The following ASPSCR1 variants were observed in gnomAD, a reference collection of about 807,000 sequenced individuals.
ASPSCR1 encodes ASPSCR1 tether for SLC2A4, UBX domain containing.
ASPSCR1 carries 55 observed loss-of-function variants against 68.9 expected under a neutral mutation model. The observed-to-expected ratio is 0.80, with a 90% CI of 0.64 to 1.00. The LOEUF is 1.00. Ranked by LOEUF, ASPSCR1 falls within the 50% of genes least tolerant of loss-of-function variation. The pLI, the probability that ASPSCR1 is intolerant of heterozygous loss-of-function variation, is 0.00. For missense variants in ASPSCR1, 765 were observed against 762.2 expected (o/e 1.00, Z -0.04); for synonymous variants, 352 against 332.6 (o/e 1.06, Z -0.63).
Position 81,996,635 on chromosome 17 carries a change from C to T in ASPSCR1, c.722C>T (p.Pro241Leu), listed in dbSNP as rs760536415. 4 of 1,612,652 alleles carry T rather than the reference C, an allele frequency of 2.5e-6. No individual in the cohort carries two copies. The highest frequency in any genetic ancestry group is 3.4e-6 in the Non-Finnish European group (4 of 1,179,410). ...KQSTRAPAAA[P>L]FVPFSGGGQR... ...AGCACAAGGGCACCCGCAGCTGCCC[C>T]CTTTGTTCCTTTCTCGGGTGGGGGA... The change falls in exon 7 of 16, where the codon CCC becomes CTC. Residue 241 changes from proline to leucine, a missense_variant. Coordinates refer to ENST00000306739, the MANE Select transcript of ASPSCR1 (RefSeq NM_024083.4).
At chr17:81,979,592 A>G (rs749714196) in intron 2 of ASPSCR1, among the ~76,000 whole-genome samples, 4 of 152,210 alleles carry the variant, frequency 2.6e-5, no homozygotes, top group Non-Finnish European at 5.9e-5. Context: ...TTATCATTAC[A>G]TCTTCAAAGA....
At chr17:82,017,194 TG>T (rs2043169539) in intron 15 of ASPSCR1, 81 bp downstream of exon 15, 1 of 1,577,754 alleles carries the variant, frequency 6.3e-7, no homozygotes, top group Admixed American at 1.7e-5. Context: ...GTCAGTGGGC[TG>T]GGGGGCTAGG....
In ASPSCR1 at chr17:82,017,069, T is replaced by C. The variant is rs974560334; in HGVS notation, c.1604T>C (p.Val535Ala). The part of the protein sequence containing the change: ...PEPIPGTAQP[V>A]KRSLGKVPKW... ...CCCATCCCAGGGACGGCCCAGCCCG[T>C]GAAGAGGAGCCTGGGCAAGGTGCCC... The change falls in exon 15 of 16, where the codon GTG becomes GCG. Residue 535 changes from valine (V) to alanine (A), a missense_variant. Val to Ala is a moderately conservative substitution (Grantham distance 64). Transcript: ENST00000306739. 5.0e-6 allele frequency: 8 copies of C among 1,608,794 alleles called. No individual in the cohort carries two copies. Among genetic ancestry groups the C allele is most frequent in the Admixed American group, 1.7e-5 (1 of 59,886 alleles).
chr17:82,002,003 C>CTTTTTTTT (rs71166183), intron 7 of ASPSCR1, among the ~76,000 whole-genome samples: 1 of 93,808 alleles, frequency 1.1e-5, no homozygotes, highest in Non-Finnish European at 2.0e-5. Context: ...TTTCTTTTTC[C>CTTTTTTTT]TTTTTTTTTT....
chr17:81,990,408 C>G lies in ASPSCR1; in HGVS notation c.375-4413C>G, dbSNP rs956594516. Among the ~76,000 whole-genome samples, 11 of 152,218 alleles carry G rather than the reference C, an allele frequency of 7.2e-5. No homozygotes were observed. The highest frequency in any genetic ancestry group is 2.7e-4 in the African/African-American group (11 of 41,444). On this transcript the variant is annotated intron_variant, in intron 4 of 15. Transcript: ENST00000306739. This position sits in a 1 kb window ranked among gnomAD's most constrained non-coding sequence, Gnocchi z 4.1. ...CCATTTTCCCTATAGTCTGAAGGTTCTGCCCAGCACAGAGGGGTGTGAACA... is the reference window on the plus strand; with the variant it reads ...CCATTTTCCCTATAGTCTGAAGGTTGTGCCCAGCACAGAGGGGTGTGAACA...
At chr17:82,017,183 G>C (rs1250594413) in intron 15 of ASPSCR1, 70 bp downstream of exon 15, 5 of 1,575,430 alleles carry the variant, frequency 3.2e-6, no homozygotes, top group East Asian at 4.5e-5. Flanking sequence ...GCTGTGGCAG[G>C]GTCAGTGGGC....
intron 7 of ASPSCR1, among the ~76,000 whole-genome samples, chr17:82,002,965 C>T (rs769888805): frequency 3.0e-4 from 46 of 152,150 alleles, no homozygotes; most frequent in Non-Finnish European, 6.8e-4. Context: ...ACCTCCACCT[C>T]CTGGGTTCAA....
At chr17:82,009,319 C>T (rs2042831386) in intron 8 of ASPSCR1, 128 bp downstream of exon 8, 1 of 1,412,054 alleles carries the variant, frequency 7.1e-7, no homozygotes, top group African/African-American at 1.4e-5. Flanking sequence ...CTGCCCTTAA[C>T]AGGACCTCAG....
At chr17:82,002,624 A>T (rs1031537605) in intron 7 of ASPSCR1, among the ~76,000 whole-genome samples, 3 of 151,982 alleles carry the variant, frequency 2.0e-5, no homozygotes, top group African/African-American at 7.2e-5. Flanking sequence ...GTGCGGTGGC[A>T]TGATCTCAGC....
At position 82,011,544 on chromosome 17, in the gene ASPSCR1, G is replaced by C. The variant is rs553844173; in HGVS notation, c.1239G>C (p.Val413=). The part of the protein sequence containing the change: ...LQGFFRPSET[V]GDLRDFVRSH... ...GTATGTTCTTTTTCTCCTCTGCAGT[G>C]GGGGACTTGCGAGACTTCGTGAGGA... The change falls in exon 11 of 16, where the codon GTG becomes GTC. Residue 413 remains valine (V), a splice_region_variant and synonymous_variant. Transcript: ENST00000306739. 14 of 1,582,318 alleles carry C rather than the reference G, an allele frequency of 8.8e-6. No homozygotes were observed. The African/African-American group carries it at 1.2e-4, about 14-fold the overall frequency.
intron 1 of ASPSCR1, chr17:81,978,025 C>G: frequency 4.3e-6 from 1 of 231,540 alleles, no homozygotes. Flanking sequence ...GTACTCGGCG[C>G]CCGGCCGAGC....
rs112936918 is a variant in ASPSCR1, at chr17:81,994,954, G to A, written c.432+76G>A. ...TTCCAACTGGAAAATCTGCTGTCCCGCAGCCGTCTCCAGGGCAGTGGCGGG... is the reference window on the plus strand; with the variant it reads ...TTCCAACTGGAAAATCTGCTGTCCCACAGCCGTCTCCAGGGCAGTGGCGGG... On this transcript the variant is annotated intron_variant, in intron 5 of 15. Coordinates refer to ENST00000306739, the MANE Select transcript of ASPSCR1 (RefSeq NM_024083.4). 1,041 of 1,455,166 alleles carry A rather than the reference G, an allele frequency of 7.2e-4. 8 individuals are homozygous for A. The African/African-American group carries it at 0.012, about 16-fold the overall frequency. The allele number at this position is 1,455,166 out of a possible 1,614,324, so 90.1% of individuals were successfully genotyped here.
In ASPSCR1 at chr17:81,977,687, T is replaced by A; in HGVS notation, c.41T>A (p.Val14Glu). 1 of 1,383,120 alleles carries A rather than the reference T, an allele frequency of 7.2e-7. No individual in the cohort carries two copies. Among genetic ancestry groups the A allele is most frequent in the Non-Finnish European group, 9.4e-7 (1 of 1,062,376 alleles). The allele number at this position is 1,383,120 out of a possible 1,614,324, so 85.7% of individuals were successfully genotyped here. A position where few individuals can be genotyped will look rare whatever the true frequency, so the allele number is the denominator to read the frequency against. Reference protein sequence around the residue: ...PAGGGGSAVSVLAPNGRRHTV... With the variant: ...PAGGGGSAVSELAPNGRRHTV... ...GGCGGCGGAGGCTCCGCGGTGTCGG[T>A]GCTGGCCCCGAACGGCCGGCGCCAC... Residue 14 changes from valine (V) to glutamate (E), a missense_variant, in exon 1 of 16, where the codon GTG becomes GAG. Coordinates refer to ENST00000306739, the MANE Select transcript of ASPSCR1 (RefSeq NM_024083.4). The surrounding 1 kb of genome is among the most constrained non-coding windows in gnomAD (Gnocchi z 5.0).
rs193007456 is a variant in ASPSCR1 at position 81,980,028 on chromosome 17, G to A, written c.158+789G>A. On this transcript the variant is annotated intron_variant, in intron 2 of 15. Coordinates refer to ENST00000306739, the MANE Select transcript of ASPSCR1 (RefSeq NM_024083.4). The stretch of plus-strand genomic sequence containing the variant: ...ACAGGGTTTCACTCTTGTCGCCCAG[G>A]CTGGAGTGCAGTGGCACGGTCTTGG... Among the ~76,000 whole-genome samples, 547 of 152,276 alleles carry A rather than the reference G, an allele frequency of 3.6e-3. 1 individual carries two copies. The highest frequency in any genetic ancestry group is 5.5e-3 in the Non-Finnish European group (372 of 68,016).
rs762130859 is a variant in ASPSCR1, at chr17:82,016,786, G to C, written c.1406-14G>C. On this transcript the variant is annotated splice_polypyrimidine_tract_variant and intron_variant, in intron 13 of 15. Coordinates refer to ENST00000306739, the MANE Select transcript of ASPSCR1 (RefSeq NM_024083.4). Reference sequence around the variant, plus strand: ...CTCCTCAGAGGCTCAGGGTGAGCTTGGGCCTCCCTGCAGGTGTCTACCTGG... The same window carrying C: ...CTCCTCAGAGGCTCAGGGTGAGCTTCGGCCTCCCTGCAGGTGTCTACCTGG... 6.2e-7 allele frequency: 1 copy of C among 1,606,792 alleles called. No homozygotes were observed. The highest frequency in any genetic ancestry group is 8.5e-7 in the Non-Finnish European group (1 of 1,179,252).
At position 82,009,495 on chromosome 17, in the gene ASPSCR1, G is replaced by T; in HGVS notation, c.1098G>T (p.Leu366=). 2 of 1,580,804 alleles carry T rather than the reference G, an allele frequency of 1.3e-6. No individual in the cohort carries two copies. The highest frequency in any genetic ancestry group is 2.3e-5 in the East Asian group (1 of 42,790). Residue 366 remains leucine, a synonymous_variant, in exon 9 of 16, where the codon CTG becomes CTT. Transcript: ENST00000306739. ...LAQLKSERKR[L]EEAPLVTKAF... is the part of the protein sequence containing the mutation. ...CCCCTCCTCACCACAGGAAGCGCCT[G>T]GAAGAAGCCCCCTTGGTGACCAAGG...
At chr17:82,010,658 G>A in intron 9 of ASPSCR1, 144 bp from the exon 10 acceptor site, 2 of 813,264 alleles carry the variant, frequency 2.5e-6, no homozygotes, top group African/African-American at 3.4e-5. Context: ...GGGAGTCAAA[G>A]CCCAGGCCCT....
chr17:81,977,730 G>T lies in ASPSCR1; in HGVS notation c.84G>T (p.Pro28=). The T allele has an allele frequency of 7.7e-7, 1 of 1,293,382 alleles. No homozygotes were observed. Among genetic ancestry groups the T allele is most frequent in the South Asian group, 2.1e-5 (1 of 46,776 alleles). 80.1% of individuals were successfully genotyped at this position (1,293,382 alleles called of 1,614,324 possible). The change falls in exon 1 of 16, where the codon CCG becomes CCT. Residue 28 remains proline, a synonymous_variant. Transcript: ENST00000306739. This position sits in a 1 kb window ranked among gnomAD's most constrained non-coding sequence, Gnocchi z 5.0. The part of the protein sequence containing the change: ...NGRRHTVKVT[P]STVLLQVLED... Reference sequence around the variant, plus strand: ...GGCGCCACACGGTGAAGGTGACGCCGAGCACCGTGCTGCTTCAGGTGCGGC... The same window carrying T: ...GGCGCCACACGGTGAAGGTGACGCCTAGCACCGTGCTGCTTCAGGTGCGGC...
At chr17:82,016,919 C>G (rs1568001253) in intron 14 of ASPSCR1, 22 bp from the exon 15 acceptor site, 2 of 1,611,622 alleles carry the variant, frequency 1.2e-6, no homozygotes, top group East Asian at 2.2e-5. Context: ...ACTCACCACT[C>G]TGTGTCTTCG....
Sources: gnomAD v4.1 joint callset for allele counts (sites outside exome capture counted in the v4.1 genomes callset) on GRCh38, gnomAD v4.1.1 for gene constraint, Gnocchi (gnomAD v3.1) non-coding constraint, MANE v1.5 for transcripts, NCBI Gene and HGNC (gene_info 2026-07-23, HGNC 2026-07-21) for gene names.